The following TNRC6B variants were observed in gnomAD, a reference collection of about 807,000 sequenced individuals.
The protein encoded by TNRC6B is trinucleotide repeat containing adaptor 6B, also known as trinucleotide repeat-containing gene 6B protein.
In TNRC6B, 52 loss-of-function variants were observed where a neutral mutation model predicts 203.6. That is an observed-to-expected ratio of 0.26 (90% CI 0.20 to 0.32). The LOEUF (loss-of-function observed/expected upper bound fraction) is 0.32, where lower values mean the gene tolerates loss of function less well. TNRC6B is among the 10% of genes least tolerant of loss of function. TNRC6B has a pLI of 1.00. For missense variants in TNRC6B, 1,923 were observed against 2,286.2 expected (o/e 0.84, Z 3.24); for synonymous variants, 838 against 845.7 (o/e 0.99, Z 0.16).
At chr22:40,072,229 A>G (rs887929424) in intron 1 of TNRC6B, among the ~76,000 whole-genome samples, 5 of 152,242 alleles carry the variant, frequency 3.3e-5, no homozygotes, top group Non-Finnish European at 7.3e-5. Flanking sequence ...GATCTATTTA[A>G]TGAAAAATAA....
intron 1 of TNRC6B, among the ~76,000 whole-genome samples, chr22:40,222,752 T>C (rs1204878692): frequency 8.1e-6 from 1 of 123,596 alleles, no homozygotes; most frequent in Non-Finnish European, 1.7e-5. Flanking sequence ...TTTTTTTTTT[T>C]TTTTTTTTTG....
rs540123599 is a variant in TNRC6B, at chr22:40,306,966, T to C, written c.4121-1546T>C. ...TTGTGCCACTGCACTCCAGCCTGGG[T>C]GACAGAGACTCCATCTCCAAAATAA... On this transcript the variant is annotated intron_variant, in intron 15 of 22. Coordinates refer to ENST00000454349, the MANE Select transcript of TNRC6B (RefSeq NM_001162501.2). Among the ~76,000 whole-genome samples the C allele has an allele frequency of 1.4e-4, 21 of 152,220 alleles. No homozygotes were observed. In the South Asian group the frequency reaches 4.4e-3, roughly 32 times the overall value.
At chr22:40,274,422 C>CTTTTTTTTTTTTTTTTTTTTT (rs374621260) in intron 7 of TNRC6B, among the ~76,000 whole-genome samples, 1 of 140,688 alleles carries the variant, frequency 7.1e-6, no homozygotes, top group African/African-American at 2.6e-5. Flanking sequence ...AATGATATCT[C>CTTTTTTTTTTTTTTTTTTTTT]TTTTTTTTTT....
At chr22:40,232,257 A>G (rs552724186) in intron 1 of TNRC6B, among the ~76,000 whole-genome samples, 11 of 152,304 alleles carry the variant, frequency 7.2e-5, no homozygotes, top group Admixed American at 3.3e-4. Flanking sequence ...GGCCCACCCT[A>G]TTTGGTTGCC....
intron 2 of TNRC6B, among the ~76,000 whole-genome samples, chr22:40,248,474 TC>T (rs1040746315): frequency 3.9e-5 from 6 of 152,242 alleles, no homozygotes; most frequent in Non-Finnish European, 4.4e-5. Flanking sequence ...ATATTCCTCT[TC>T]ATTTTTAACA....
At chr22:40,064,911 C>G (rs1569248181) in intron 1 of TNRC6B, among the ~76,000 whole-genome samples, 1 of 152,060 alleles carries the variant, frequency 6.6e-6, no homozygotes, top group African/African-American at 2.4e-5. Context: ...GCCACTGCAC[C>G]TAGCCTATAA....
intron 4 of TNRC6B, among the ~76,000 whole-genome samples, chr22:40,161,305 T>G (rs1409618956): frequency 1.3e-5 from 2 of 152,222 alleles, no homozygotes; most frequent in Non-Finnish European, 2.9e-5. Context: ...AACTTAATTT[T>G]TTTCCAAATG....
upstream of TNRC6B, among the ~76,000 whole-genome samples, chr22:40,174,064 G>A (rs1036746983): frequency 1.3e-5 from 2 of 151,348 alleles, no homozygotes; most frequent in Non-Finnish European, 2.9e-5. Context: ...CTCCCAGAGT[G>A]CTGTGATTAC....
chr22:40,306,625 CTAA>C (rs2146556942), intron 15 of TNRC6B, among the ~76,000 whole-genome samples: 1 of 152,282 alleles, frequency 6.6e-6, no homozygotes, highest in East Asian at 1.9e-4. Flanking sequence ...GCCCTGCAAT[CTAA>C]TTTCATTTCT....
intron 1 of TNRC6B, among the ~76,000 whole-genome samples, chr22:40,208,111 C>CAA (rs905832467): frequency 6.8e-4 from 51 of 74,772 alleles, no homozygotes; most frequent in East Asian, 1.4e-3. Context: ...GACTCCATCT[C>CAA]AAAAAAAAAA....
intron 1 of TNRC6B, among the ~76,000 whole-genome samples, chr22:40,059,321 A>G (rs1304006362): frequency 6.6e-6 from 1 of 152,208 alleles, no homozygotes. Context: ...ATGATAATGA[A>G]TTACGTAGAC....
At chr22:40,063,771 C>G (rs1211757290) in intron 1 of TNRC6B, among the ~76,000 whole-genome samples, 1 of 151,988 alleles carries the variant, frequency 6.6e-6, no homozygotes, top group East Asian at 1.9e-4. Context: ...GGCACGATCA[C>G]AGCTTACTGC....
At chr22:40,177,520 T>G (rs2069074805), upstream of TNRC6B, among the ~76,000 whole-genome samples, 1 of 152,198 alleles carries the variant, frequency 6.6e-6, no homozygotes, top group Admixed American at 6.5e-5. Flanking sequence ...CCTCATTCTT[T>G]CAAAGCTAAA....
At chr22:40,049,600 G>C (rs1053601253) in intron 1 of TNRC6B, among the ~76,000 whole-genome samples, 1 of 151,922 alleles carries the variant, frequency 6.6e-6, no homozygotes. Flanking sequence ...TTACCTGCTG[G>C]CATTCTTTTT....
intron 1 of TNRC6B, among the ~76,000 whole-genome samples, chr22:40,235,551 C>T (rs905509154): frequency 3.3e-5 from 5 of 152,148 alleles, no homozygotes; most frequent in Admixed American, 6.5e-5. Flanking sequence ...GTGAAGGAGT[C>T]TTGGAAATAG....
chr22:40,312,458 T>A, intron 17 of TNRC6B, 47 bp from the exon 18 acceptor site: 1 of 1,572,970 alleles, frequency 6.4e-7, no homozygotes, highest in Non-Finnish European at 8.6e-7. Context: ...CTATATCATT[T>A]TTTTTTAACG....
rs181977682 is a variant in TNRC6B, at chr22:40,102,803, G to A, written c.-120-14252G>A. Among the ~76,000 whole-genome samples, 42 of 152,180 alleles carry A rather than the reference G, an allele frequency of 2.8e-4. 1 individual carries two copies. In the South Asian group the frequency reaches 5.8e-3, roughly 21 times the overall value. On this transcript the variant is annotated intron_variant, in intron 1 of 23. Transcript: ENST00000301923. ...AAATAAAAATAAAAAAATTGACTGC[G>A]CGTGGTGGCTCACACCTGTAATCCC...
chr22:40,299,561 T>C (rs2070994762), intron 12 of TNRC6B, among the ~76,000 whole-genome samples: 1 of 152,136 alleles, frequency 6.6e-6, no homozygotes, highest in African/African-American at 2.4e-5. Context: ...TTTAACCTTT[T>C]TATTTTTTTA....
intron 12 of TNRC6B, among the ~76,000 whole-genome samples, chr22:40,299,640 T>G (rs2070995881): frequency 6.6e-6 from 1 of 152,166 alleles, no homozygotes; most frequent in Non-Finnish European, 1.5e-5. Flanking sequence ...TCCCCCAAAC[T>G]GCTGGGATTA....
Sources: allele counts gnomAD v4.1 joint callset (sites outside exome capture counted in the v4.1 genomes callset), GRCh38; gene constraint gnomAD v4.1.1; transcripts MANE v1.5; gene names NCBI Gene and HGNC (gene_info 2026-07-23, HGNC 2026-07-21).